MAP3K19: variants seen among roughly 807,000 people sequenced by gnomAD.
The protein encoded by MAP3K19 is SPS1/STE20-related protein kinase YSK4.
MAP3K19 carries 91 observed loss-of-function variants against 114.4 expected under a neutral mutation model. The ratio of observed to expected loss-of-function variants is 0.80; its 90% confidence interval spans 0.67 to 0.95. The LOEUF is 0.95. Ranked by LOEUF, MAP3K19 falls within the 40% of genes least tolerant of loss-of-function variation. The probability of loss-of-function intolerance (pLI) is 0.00; values close to 1 mark genes in which losing one functional copy is unlikely to be tolerated. For missense variants in MAP3K19, 1,471 were observed against 1,573.2 expected, an observed-to-expected ratio of 0.94 and a Z score of 1.10; for synonymous variants, 518 against 530.5, an observed-to-expected ratio of 0.98 and a Z score of 0.32.
intron 5 of MAP3K19, among the ~76,000 whole-genome samples, chr2:135,007,771 T>A (rs989907005): frequency 7.9e-5 from 12 of 152,214 alleles, no homozygotes; most frequent in African/African-American, 2.9e-4. Flanking sequence ...ACCTTCTCTG[T>A]ATTTCAAAAA....
chr2:135,027,010 C>T (rs886898095), intron 3 of MAP3K19, among the ~76,000 whole-genome samples: 1 of 152,112 alleles, frequency 6.6e-6, no homozygotes, highest in African/African-American at 2.4e-5. Context: ...GCTTGGGAGG[C>T]CAAGATGGGA....
At chr2:135,028,490 C>T (rs1558742645) in intron 3 of MAP3K19, among the ~76,000 whole-genome samples, 1 of 149,892 alleles carries the variant, frequency 6.7e-6, no homozygotes, top group African/African-American at 2.5e-5. Context: ...CTGGGAAAGT[C>T]GAGGCTGCAG....
Position 134,992,928 on chromosome 2 carries a change from C to G in MAP3K19, c.575-1348G>C, listed in dbSNP as rs142531327. 3.9e-3 allele frequency among the ~76,000 whole-genome samples: 595 copies of G among 152,310 alleles called. 3 individuals are homozygous for G. The highest frequency in any genetic ancestry group is 0.013 in the African/African-American group (555 of 41,572). On this transcript the variant is annotated intron_variant, in intron 8 of 12. Coordinates refer to ENST00000392915, the MANE Select transcript of MAP3K19 (RefSeq NM_025052.5). ...ACACTTGACCTCGTGATCCACCGGCCTCGGCCTCCCAAAGTGCTGGGATTA... is the reference window on the plus strand; with the variant it reads ...ACACTTGACCTCGTGATCCACCGGCGTCGGCCTCCCAAAGTGCTGGGATTA...
intron 12 of MAP3K19, among the ~76,000 whole-genome samples, chr2:134,968,145 A>G (rs190707380): frequency 1.0e-3 from 157 of 152,314 alleles, no homozygotes; most frequent in South Asian, 7.9e-3. Context: ...GAGTGGACAC[A>G]GCACATGTTT....
intron 9 of MAP3K19, among the ~76,000 whole-genome samples, chr2:134,991,128 C>T (rs7593306): frequency 0.023 from 3,520 of 151,884 alleles, 131 homozygotes; most frequent in African/African-American, 0.08. Context: ...GGAGAAACCC[C>T]GTCTCTACTA....
chr2:135,014,887 C>T (rs1213224865), intron 5 of MAP3K19, among the ~76,000 whole-genome samples: 1 of 152,154 alleles, frequency 6.6e-6, no homozygotes, highest in Non-Finnish European at 1.5e-5. Context: ...CACTCTCATT[C>T]TCATTTATGT....
chr2:135,021,434 T>G (rs1475423544), intron 5 of MAP3K19, among the ~76,000 whole-genome samples: 1 of 151,614 alleles, frequency 6.6e-6, no homozygotes, highest in Non-Finnish European at 1.5e-5. Flanking sequence ...TCTATGGTAC[T>G]TTGTTATAGC....
At chr2:135,041,234 C>T (rs1370356977) in intron 1 of MAP3K19, among the ~76,000 whole-genome samples, 3 of 151,984 alleles carry the variant, frequency 2.0e-5, no homozygotes, top group East Asian at 1.9e-4. Flanking sequence ...CTGGATTTTC[C>T]GGAAAGCCCT....
intron 8 of MAP3K19, among the ~76,000 whole-genome samples, chr2:134,992,708 C>T (rs149997894): frequency 2.0e-5 from 3 of 151,474 alleles, no homozygotes; most frequent in East Asian, 1.9e-4. Flanking sequence ...CTCGCTCTGT[C>T]GCCCAGGCTG....
chr2:135,031,947 C>T (rs1047634680), intron 2 of MAP3K19, among the ~76,000 whole-genome samples: 1 of 152,172 alleles, frequency 6.6e-6, no homozygotes, highest in Non-Finnish European at 1.5e-5. Context: ...AATGGAACAG[C>T]CTTCTCTCCA....
intron 5 of MAP3K19, among the ~76,000 whole-genome samples, chr2:135,012,018 A>G (rs1687269140): frequency 6.6e-6 from 1 of 152,232 alleles, no homozygotes; most frequent in African/African-American, 2.4e-5. Flanking sequence ...TTGTTTATCA[A>G]TATCTTATGC....
intron 6 of MAP3K19, among the ~76,000 whole-genome samples, chr2:135,004,870 G>T (rs151163738): frequency 7.2e-4 from 110 of 152,290 alleles, no homozygotes; most frequent in African/African-American, 2.5e-3. Context: ...ATGGAGACAC[G>T]TGTGGTTCCG....
In MAP3K19 at chr2:134,987,082, A is replaced by G. The variant is rs1232373682; in HGVS notation, c.1790T>C (p.Ile597Thr). ...CCGGTGAGTTGATTGCTTCTTTGCTATCTGTGGCATTTTCTTTTGAAACCT... is the reference window on the plus strand; with the variant it reads ...CCGGTGAGTTGATTGCTTCTTTGCTGTCTGTGGCATTTTCTTTTGAAACCT... ...LPRFQKKMPQIAKKQSTHRTQ... is the reference protein window; with the variant it reads ...LPRFQKKMPQTAKKQSTHRTQ... Residue 597 changes from isoleucine to threonine, a missense_variant, in exon 10 of 13, where the codon ATA becomes ACA. Transcript: ENST00000392915. 6.2e-7 allele frequency: 1 copy of G among 1,613,042 alleles called. No individual in the cohort carries two copies.
At chr2:135,016,280 C>G (rs1187509121) in intron 5 of MAP3K19, among the ~76,000 whole-genome samples, 1 of 152,192 alleles carries the variant, frequency 6.6e-6, no homozygotes, top group East Asian at 1.9e-4. Flanking sequence ...TTGTATATGA[C>G]TATCCATGCA....
At position 134,986,622 on chromosome 2, in the gene MAP3K19, A is replaced by AT. The variant is rs1559150639; in HGVS notation, c.2249dup (p.His750GlnfsTer2). ...CATTTTCAATGTCATGTAGGTTGCT[A>AT]TGTACAGCCTTGGAACTCTTTTCTT... On this transcript the variant is annotated frameshift_variant, in exon 10 of 13. Coordinates refer to ENST00000392915, the MANE Select transcript of MAP3K19 (RefSeq NM_025052.5). LOFTEE classifies it high-confidence loss of function. The AT allele has an allele frequency of 2.5e-6, 4 of 1,614,168 alleles. No homozygotes were observed. The Admixed American group carries it at 6.7e-5, about 27-fold the overall frequency.
rs373734617 is a variant in MAP3K19 at position 134,986,243 on chromosome 2, A to T, written c.2629T>A (p.Ser877Thr). The T allele has an allele frequency of 5.8e-5, 94 of 1,614,088 alleles. No homozygotes were observed. Among genetic ancestry groups the T allele is most frequent in the Non-Finnish European group, 7.6e-5 (90 of 1,179,992 alleles). The change falls in exon 10 of 13, where the codon TCT becomes ACT. Residue 877 changes from serine (S) to threonine (T), a missense_variant. Coordinates refer to ENST00000392915, the MANE Select transcript of MAP3K19 (RefSeq NM_025052.5). Reference protein sequence around the residue: ...YVQQEKQNTASLSKVNASRIL... With the variant: ...YVQQEKQNTATLSKVNASRIL... The stretch of plus-strand genomic sequence containing the variant: ...CGGCTGGCATTTACTTTACTAAGAG[A>T]TGCTGTATTCTGCTTTTCTTGCTGT...
intron 12 of MAP3K19, among the ~76,000 whole-genome samples, chr2:134,975,178 C>T (rs2105168056): frequency 6.6e-6 from 1 of 152,240 alleles, no homozygotes; most frequent in South Asian, 2.1e-4. Flanking sequence ...AATTCTTGGG[C>T]CTCCAAGGCT....
At chr2:135,012,677 G>A (rs912317736) in intron 5 of MAP3K19, among the ~76,000 whole-genome samples, 4 of 151,974 alleles carry the variant, frequency 2.6e-5, no homozygotes, top group Middle Eastern at 3.4e-3. Context: ...ATTTTCTTCC[G>A]TATTTCTGCA....
In MAP3K19 at chr2:134,998,940, A is replaced by G. The variant is rs145950712; in HGVS notation, c.372T>C (p.Asn124=). 8.5e-4 allele frequency: 1,371 copies of G among 1,614,126 alleles called. 3 individuals carry two copies. Among genetic ancestry groups the G allele is most frequent in the Middle Eastern group, 6.8e-3 (41 of 6,062 alleles). ...TCCTGAGCTCCACCGTTTCTATTTC[A>G]TTTGGATGAGAAACTGCATGTGCTT... The part of the protein sequence containing the change: ...WAQAHAVSHP[N]EIETVELRKK... The change falls in exon 8 of 13, where the codon AAT becomes AAC. Residue 124 remains asparagine, a synonymous_variant. Transcript: ENST00000392915.
Sources: gnomAD v4.1 joint callset for allele counts (sites outside exome capture counted in the v4.1 genomes callset) on GRCh38, gnomAD v4.1.1 for gene constraint, MANE v1.5 for transcripts, NCBI Gene and HGNC (gene_info 2026-07-23, HGNC 2026-07-21) for gene names.